Variants in SLC35F1 observed in about 807,000 individuals in gnomAD.
SLC35F1 encodes the protein solute carrier family 35 member F1, also known as chromosome 6 open reading frame 169.
In SLC35F1, 14 loss-of-function variants were observed where a neutral mutation model predicts 48.7. That is an observed-to-expected ratio of 0.29 (90% CI 0.19 to 0.45). The LOEUF (loss-of-function observed/expected upper bound fraction) is 0.45. Among genes scored for constraint, SLC35F1 ranks in the 20% least tolerant of loss-of-function variants. The pLI is 1.00. For synonymous variants in SLC35F1, 190 were observed against 202.2 expected, an observed-to-expected ratio of 0.94 and a Z score of 0.51; for missense variants, 404 against 500.0, an observed-to-expected ratio of 0.81 and a Z score of 1.83.
At chr6:118,127,560 A>G (rs1175892981) in intron 1 of SLC35F1, among the ~76,000 whole-genome samples, 1 of 152,142 alleles carries the variant, frequency 6.6e-6, no homozygotes, top group East Asian at 1.9e-4. Flanking sequence ...GCAATGGGGA[A>G]AGGATTCCCT....
chr6:118,088,063 G>A (rs1037194857), intron 1 of SLC35F1, among the ~76,000 whole-genome samples: 2 of 152,144 alleles, frequency 1.3e-5, no homozygotes, highest in Non-Finnish European at 2.9e-5. Context: ...ACAAATCATT[G>A]ATATGGTTAA....
At chr6:118,194,766 C>T (rs1292880299) in intron 2 of SLC35F1, among the ~76,000 whole-genome samples, 1 of 152,180 alleles carries the variant, frequency 6.6e-6, no homozygotes, top group Admixed American at 6.6e-5. Context: ...AGAAGTCTGA[C>T]TGTAAGAAAT....
chr6:117,908,633 A>T (rs1775726555), intron 1 of SLC35F1, among the ~76,000 whole-genome samples: 1 of 152,204 alleles, frequency 6.6e-6, no homozygotes, highest in African/African-American at 2.4e-5. Flanking sequence ...TGCGTAGTGG[A>T]TTCAGGACGT....
At chr6:118,257,441 TA>T (rs1015652008) in intron 3 of SLC35F1, among the ~76,000 whole-genome samples, 1 of 152,164 alleles carries the variant, frequency 6.6e-6, no homozygotes, top group Non-Finnish European at 1.5e-5. Flanking sequence ...GAGGCTAAGT[TA>T]AATTGGAGTG....
chr6:118,123,117 G>A (rs969397498), intron 1 of SLC35F1, among the ~76,000 whole-genome samples: 22 of 151,684 alleles, frequency 1.5e-4, no homozygotes, highest in African/African-American at 5.3e-4. Context: ...TTTGTATTAT[G>A]TTCCTTGTAT....
Position 118,267,134 on chromosome 6 carries a change from T to A in SLC35F1, c.617T>A (p.Val206Glu). 6.2e-7 allele frequency: 1 copy of A among 1,613,978 alleles called. No individual in the cohort carries two copies. Among genetic ancestry groups the A allele is most frequent in the Non-Finnish European group, 8.5e-7 (1 of 1,179,886 alleles). The change falls in exon 4 of 8, where the codon GTG becomes GAG. Residue 206 changes from valine (V) to glutamate (E), a missense_variant. By Grantham distance (121) the Val-to-Glu change is moderately radical (BLOSUM62 -2). Transcript: ENST00000360388. ...TGCATGGTGGGAGCAGATGTGCTTG[T>A]GGGAAGACATCAGGGAGCAGGTGAG... ...MGCMVGADVL[V>E]GRHQGAGENK...
chr6:118,177,476 G>A (rs1049239236), intron 2 of SLC35F1, among the ~76,000 whole-genome samples: 15 of 152,080 alleles, frequency 9.9e-5, no homozygotes, highest in Non-Finnish European at 1.8e-4. Flanking sequence ...ACATGGAATA[G>A]TTGTATGCTT....
intron 1 of SLC35F1, among the ~76,000 whole-genome samples, chr6:117,938,781 A>G (rs954316262): frequency 6.6e-6 from 1 of 152,160 alleles, no homozygotes; most frequent in Non-Finnish European, 1.5e-5. Context: ...CCTGGGATAT[A>G]CGCACATCAC....
intron 3 of SLC35F1, among the ~76,000 whole-genome samples, chr6:118,236,679 G>A (rs1469581996): frequency 6.6e-6 from 1 of 152,188 alleles, no homozygotes; most frequent in East Asian, 1.9e-4. Context: ...ACCTCCATAT[G>A]CACGTTGTGT....
intron 1 of SLC35F1, among the ~76,000 whole-genome samples, chr6:118,093,590 T>C (rs972119603): frequency 6.6e-6 from 1 of 152,210 alleles, no homozygotes; most frequent in Non-Finnish European, 1.5e-5. Context: ...AAGGCATACC[T>C]TGGCTCCTCC....
intron 1 of SLC35F1, among the ~76,000 whole-genome samples, chr6:118,097,283 A>G (rs1184647771): frequency 6.6e-6 from 1 of 151,990 alleles, no homozygotes; most frequent in Non-Finnish European, 1.5e-5. Context: ...ACCACATTAT[A>G]CTCCCTTCAG....
intron 6 of SLC35F1, among the ~76,000 whole-genome samples, chr6:118,282,218 A>G (rs191794872): frequency 7.2e-5 from 11 of 152,352 alleles, no homozygotes; most frequent in Non-Finnish European, 1.5e-4. Context: ...GTTAATGTCC[A>G]TTAACTATCT....
chr6:118,129,333 A>G (rs1489580482), intron 1 of SLC35F1, among the ~76,000 whole-genome samples: 6 of 146,446 alleles, frequency 4.1e-5, no homozygotes, highest in Admixed American at 2.7e-4. Flanking sequence ...AATACGAAGA[A>G]GCAGGCATAA....
intron 1 of SLC35F1, among the ~76,000 whole-genome samples, chr6:118,055,178 T>C (rs1421252805): frequency 6.6e-6 from 1 of 152,208 alleles, no homozygotes; most frequent in Non-Finnish European, 1.5e-5. Context: ...TATCAGTGTT[T>C]GGGGATTTAT....
At chr6:118,213,606 T>C (rs560552753) in intron 2 of SLC35F1, among the ~76,000 whole-genome samples, 9 of 152,330 alleles carry the variant, frequency 5.9e-5, no homozygotes, top group East Asian at 1.9e-4. Flanking sequence ...AAATAAAATA[T>C]AGCAGACTGC....
At chr6:118,268,335 C>G (rs1775803675) in intron 4 of SLC35F1, among the ~76,000 whole-genome samples, 2 of 151,328 alleles carry the variant, frequency 1.3e-5, no homozygotes, top group African/African-American at 4.9e-5. Flanking sequence ...CTCAGCCTCA[C>G]ACATCCACAC....
In SLC35F1 at chr6:117,913,872, G is replaced by A. The variant is rs112008730; in HGVS notation, c.173+5973G>A. 4.8e-3 allele frequency among the ~76,000 whole-genome samples: 726 copies of A among 152,158 alleles called. 9 individuals are homozygous for A. Among genetic ancestry groups the A allele is most frequent in the African/African-American group, 0.015 (632 of 41,522 alleles). ...GTGAGACCAACCTGGCCAACATGGC[G>A]AAACCCCATCTCTACTAAAAATACA... On this transcript the variant is annotated intron_variant, in intron 1 of 7. Transcript: ENST00000360388.
intron 3 of SLC35F1, among the ~76,000 whole-genome samples, chr6:118,247,581 T>C (rs1314287470): frequency 6.6e-6 from 1 of 152,230 alleles, no homozygotes; most frequent in Non-Finnish European, 1.5e-5. Flanking sequence ...GGCAATTTCT[T>C]ATAAATCAAA....
At chr6:118,236,166 A>G (rs1239363205) in intron 3 of SLC35F1, among the ~76,000 whole-genome samples, 1 of 152,130 alleles carries the variant, frequency 6.6e-6, no homozygotes, top group Non-Finnish European at 1.5e-5. Context: ...CAAGGAGTCA[A>G]TTCTTAAAAT....
Sources: gnomAD v4.1 joint callset for allele counts (sites outside exome capture counted in the v4.1 genomes callset) on GRCh38, gnomAD v4.1.1 for gene constraint, MANE v1.5 for transcripts, NCBI Gene and HGNC (gene_info 2026-07-23, HGNC 2026-07-21) for gene names.